Variants in ZBTB43 observed in about 807,000 individuals in gnomAD.
ZBTB43 encodes zinc finger and BTB domain-containing protein 43.
ZBTB43 carries 6 observed loss-of-function variants against 31.1 expected under a neutral mutation model. The observed-to-expected ratio is 0.19, with a 90% confidence interval of 0.11 to 0.38. ZBTB43 has a LOEUF of 0.38. ZBTB43 is among the 10% of genes least tolerant of loss of function. The pLI is 1.00. For missense variants in ZBTB43, 379 were observed against 602.1 expected, an observed-to-expected ratio of 0.63 and a Z score of 3.88; for synonymous variants, 212 against 221.7, an observed-to-expected ratio of 0.96 and a Z score of 0.39.
chr9:126,811,217 C>CAAA (rs370772691), intron 2 of ZBTB43, among the ~76,000 whole-genome samples: 3 of 86,662 alleles, frequency 3.5e-5, no homozygotes, highest in Admixed American at 2.7e-4. Context: ...GACTCCATCT[C>CAAA]AAAAAAAAAA....
At chr9:126,822,806 C>T (rs2032545224) in intron 2 of ZBTB43, among the ~76,000 whole-genome samples, 1 of 152,182 alleles carries the variant, frequency 6.6e-6, no homozygotes, top group African/African-American at 2.4e-5. Flanking sequence ...CCACCCTGAT[C>T]AGTCAGCAGC....
At chr9:126,819,075 A>T (rs1235427970) in intron 2 of ZBTB43, among the ~76,000 whole-genome samples, 1 of 152,038 alleles carries the variant, frequency 6.6e-6, no homozygotes, top group Non-Finnish European at 1.5e-5. Context: ...TTAGTTTTTC[A>T]GTTTTCTCTC....
In ZBTB43 at chr9:126,833,239, A is replaced by C. The variant is rs776414476; in HGVS notation, c.730A>C (p.Ile244Leu). The C allele has an allele frequency of 6.2e-7, 1 of 1,613,716 alleles. No individual in the cohort carries two copies. Among genetic ancestry groups the C allele is most frequent in the East Asian group, 2.2e-5 (1 of 44,862 alleles). ...KPSIMAHKRW[I>L]HVKPERLEQA... is the part of the protein sequence containing the mutation. Reference sequence around the variant, plus strand: ...CAGCATCATGGCTCACAAACGCTGGATCCACGTGAAGCCCGAGCGCTTAGA... The same window carrying C: ...CAGCATCATGGCTCACAAACGCTGGCTCCACGTGAAGCCCGAGCGCTTAGA... Residue 244 changes from isoleucine to leucine, a missense_variant, in exon 3 of 3, where the codon ATC becomes CTC. Physicochemically the swap from Ile to Leu is conservative, Grantham distance 5. Coordinates refer to ENST00000373464, the MANE Select transcript of ZBTB43 (RefSeq NM_014007.4). This position sits in a 1 kb window ranked among gnomAD's most constrained non-coding sequence, Gnocchi z 7.9.
Position 126,833,373 on chromosome 9 carries a change from G to A in ZBTB43, c.864G>A (p.Glu288=), listed in dbSNP as rs776337353. The change falls in exon 3 of 3, where the codon GAG becomes GAA. Residue 288 remains glutamate (E), a synonymous_variant. Coordinates refer to ENST00000373464, the MANE Select transcript of ZBTB43 (RefSeq NM_014007.4). This position sits in a 1 kb window ranked among gnomAD's most constrained non-coding sequence, Gnocchi z 7.9. ...TEHTVQPSGV[E]EDFHIGEKKV... ...ACACGGTGCAGCCTTCGGGAGTGGA[G>A]GAGGACTTCCACATCGGGGAGAAGA... 2.4e-5 allele frequency: 39 copies of A among 1,613,412 alleles called. No individual in the cohort carries two copies. The highest frequency in any genetic ancestry group is 3.2e-5 in the Non-Finnish European group (38 of 1,179,750).
intron 2 of ZBTB43, among the ~76,000 whole-genome samples, chr9:126,817,755 C>T (rs891097771): frequency 8.5e-5 from 13 of 152,124 alleles, no homozygotes; most frequent in East Asian, 5.8e-4. Flanking sequence ...GGATTGCAGG[C>T]GTGAGCCACT....
At position 126,832,817 on chromosome 9, in the gene ZBTB43, A is replaced by T; in HGVS notation, c.308A>T (p.Tyr103Phe). 6.2e-7 allele frequency: 1 copy of T among 1,614,166 alleles called. No homozygotes were observed. The highest frequency in any genetic ancestry group is 8.5e-7 in the Non-Finnish European group (1 of 1,180,028). The change falls in exon 3 of 3, where the codon TAC becomes TTC. Residue 103 changes from tyrosine (Y) to phenylalanine (F), a missense_variant. Around this residue, in one of 5 missense-constraint regions of ZBTB43, gnomAD observed 79 missense variants for 134.4 expected, o/e 0.59. Transcript: ENST00000373464. The stretch of plus-strand genomic sequence containing the variant: ...ATGCCCGCTCCAGAAATTGTTAGTT[A>T]CTTGACAGCGGCAAGCTTCCTCCAG... Reference protein sequence around the residue: ...LVMPAPEIVSYLTAASFLQMW... With the variant: ...LVMPAPEIVSFLTAASFLQMW...
rs1322162694 is a variant in ZBTB43, at chr9:126,833,979, C to T, written c.*66C>T. ...CTATGGTAATTAATGCAAATCTGGG[C>T]ACAGATGATGCGTGCTACTTGCTAT... On this transcript the variant is annotated 3_prime_UTR_variant, in exon 3 of 3. Coordinates refer to ENST00000373464, the MANE Select transcript of ZBTB43 (RefSeq NM_014007.4). The surrounding 1 kb of genome is among the most constrained non-coding windows in gnomAD (Gnocchi z 7.9). The T allele has an allele frequency of 6.9e-7, 1 of 1,447,458 alleles. No homozygotes were observed. The highest frequency in any genetic ancestry group is 9.3e-7 in the Non-Finnish European group (1 of 1,078,608). The allele number at this position is 1,447,458 out of a possible 1,614,324, so 89.7% of individuals were successfully genotyped here.
At chr9:126,813,267 A>C (rs548259215) in intron 2 of ZBTB43, among the ~76,000 whole-genome samples, 2 of 152,148 alleles carry the variant, frequency 1.3e-5, no homozygotes, top group Non-Finnish European at 2.9e-5. Flanking sequence ...GACGTGAGCC[A>C]CCATGCCTGG....
upstream of ZBTB43, among the ~76,000 whole-genome samples, chr9:126,804,214 T>C (rs73668415): frequency 0.097 from 14,795 of 152,018 alleles, 2,225 homozygotes; most frequent in African/African-American, 0.32. Flanking sequence ...ATGGAGGTTT[T>C]GGGAGGGAGT....
intron 1 of ZBTB43, among the ~76,000 whole-genome samples, chr9:126,806,946 TA>T (rs550845164): frequency 9.8e-4 from 150 of 152,344 alleles, no homozygotes; most frequent in African/African-American, 3.2e-3. Flanking sequence ...ACTTGATAAT[TA>T]TGCTTTTCAC....
At position 126,833,971 on chromosome 9, in the gene ZBTB43, A is replaced by G. The variant is rs1250131497; in HGVS notation, c.*58A>G. ...AAAATAAACTATGGTAATTAATGCA[A>G]ATCTGGGCACAGATGATGCGTGCTA... On this transcript the variant is annotated 3_prime_UTR_variant, in exon 3 of 3. Transcript: ENST00000373464. This position sits in a 1 kb window ranked among gnomAD's most constrained non-coding sequence, Gnocchi z 7.9. The G allele has an allele frequency of 8.1e-6, 12 of 1,490,410 alleles. No individual in the cohort carries two copies. The African/African-American group carries it at 1.7e-4, about 21-fold the overall frequency. 92.3% of individuals were successfully genotyped at this position (1,490,410 alleles called of 1,614,324 possible).
chr9:126,826,722 C>T (rs1456300162), intron 2 of ZBTB43, among the ~76,000 whole-genome samples: 5 of 152,110 alleles, frequency 3.3e-5, no homozygotes, highest in African/African-American at 1.2e-4. Flanking sequence ...CCTCAGCTTC[C>T]CAAAGTGCTG....
rs752672403 is a variant in ZBTB43, at chr9:126,836,431, A to AT, written c.*2525dup. Reference sequence around the variant, plus strand: ...ATTTGAGGTTTTGGCAAAAATTGGGATTTTTTTATCAGGCAGCCAGAGCCT... The same window carrying AT: ...ATTTGAGGTTTTGGCAAAAATTGGGATTTTTTTTATCAGGCAGCCAGAGCCT... On this transcript the variant is annotated 3_prime_UTR_variant, in exon 3 of 3. Transcript: ENST00000373464. The AT allele has an allele frequency of 6.0e-6, 1 of 166,902 alleles. No homozygotes were observed. The highest frequency in any genetic ancestry group is 1.5e-5 in the Non-Finnish European group (1 of 68,088). The allele number at this position is 166,902 out of a possible 1,614,324, so 10.3% of individuals were successfully genotyped here.
At chr9:126,830,317 TTTGTCTGGG>T (rs2032737786) in intron 2 of ZBTB43, among the ~76,000 whole-genome samples, 1 of 152,246 alleles carries the variant, frequency 6.6e-6, no homozygotes, top group Non-Finnish European at 1.5e-5. Context: ...ACTTTCAGTC[TTTGTCTGGG>T]TTGTCTGGCT....
chr9:126,818,233 T>C (rs2032435630), intron 2 of ZBTB43, among the ~76,000 whole-genome samples: 1 of 150,856 alleles, frequency 6.6e-6, no homozygotes, highest in African/African-American at 2.4e-5. Flanking sequence ...AATGATCCTC[T>C]TGCCTCAGTC....
chr9:126,825,184 T>C (rs1296008303), intron 2 of ZBTB43, among the ~76,000 whole-genome samples: 1 of 152,120 alleles, frequency 6.6e-6, no homozygotes, highest in Non-Finnish European at 1.5e-5. Context: ...CAAGTGATCC[T>C]CCCACCTCAG....
At chr9:126,815,322 A>G (rs1276649581) in intron 2 of ZBTB43, among the ~76,000 whole-genome samples, 1 of 145,170 alleles carries the variant, frequency 6.9e-6, no homozygotes, top group Non-Finnish European at 1.5e-5. Flanking sequence ...AGTTTTCAAT[A>G]TATAAAACTA....
At chr9:126,810,495 C>CTTT (rs1163411798) in intron 2 of ZBTB43, among the ~76,000 whole-genome samples, 915 of 73,150 alleles carry the variant, frequency 0.013, 7 homozygotes, top group Non-Finnish European at 0.016. Context: ...GCCCAGCCGT[C>CTTT]TTTTTTTTTT....
rs749043675 is a variant in ZBTB43, at chr9:126,833,564, A to C, written c.1055A>C (p.Glu352Ala). The C allele has an allele frequency of 6.2e-7, 1 of 1,614,040 alleles. No individual in the cohort carries two copies. The highest frequency in any genetic ancestry group is 1.1e-5 in the South Asian group (1 of 91,078). ...ALAAGYSENI[E>A]MVTGIKEEAS... ...GCAGCAGGTTACAGTGAGAATATTG[A>C]AATGGTAACAGGGATTAAAGAAGAA... is the stretch of plus-strand genomic sequence containing the variant. Residue 352 changes from glutamate (E) to alanine (A), a missense_variant, in exon 3 of 3, where the codon GAA becomes GCA. Physicochemically the swap from Glu to Ala is moderately radical, Grantham distance 107. Transcript: ENST00000373464. The surrounding 1 kb of genome is among the most constrained non-coding windows in gnomAD (Gnocchi z 7.9).
Sources: allele counts gnomAD v4.1 joint callset (sites outside exome capture counted in the v4.1 genomes callset), GRCh38; gene constraint gnomAD v4.1.1; regional missense constraint gnomAD v4.1.1; non-coding constraint Gnocchi (gnomAD v3.1); transcripts MANE v1.5; gene names NCBI Gene and HGNC (gene_info 2026-07-23, HGNC 2026-07-21).